Variants in RAB25 observed in about 807,000 individuals in gnomAD.
RAB25 encodes the protein RAB25, member RAS oncogene family.
RAB25 carries 23 observed loss-of-function variants against 25.2 expected under a neutral mutation model. The ratio of observed to expected loss-of-function variants is 0.91; its 90% CI spans 0.66 to 1.29. The LOEUF is 1.29. Ranked by LOEUF, RAB25 falls within the 50% of genes most tolerant of loss-of-function variation. RAB25 has a pLI of 0.00. For synonymous variants in RAB25, 102 were observed against 111.5 expected, an observed-to-expected ratio of 0.91 and a Z score of 0.54; for missense variants, 244 against 277.3, an observed-to-expected ratio of 0.88 and a Z score of 0.85.
intron 3 of RAB25, among the ~76,000 whole-genome samples, chr1:156,069,392 GCCGGTCT>G (rs1390386021): frequency 6.6e-6 from 1 of 152,096 alleles, no homozygotes; most frequent in African/African-American, 2.4e-5. Flanking sequence ...TGTTGGCCAA[GCCGGTCT>G]TGAACTCCTG....
Position 156,061,300 on chromosome 1 carries a change from G to T in RAB25, c.-101G>T. 1 of 1,242,088 alleles carries T rather than the reference G, an allele frequency of 8.1e-7. No homozygotes were observed. Among genetic ancestry groups the T allele is most frequent in the Non-Finnish European group, 1.2e-6 (1 of 846,632 alleles). 76.9% of individuals were successfully genotyped at this position (1,242,088 alleles called of 1,614,324 possible). A position where few individuals can be genotyped will look rare whatever the true frequency, so the allele number is the denominator to read the frequency against. On this transcript the variant is annotated 5_prime_UTR_variant, in exon 1 of 5. Coordinates refer to ENST00000361084, the MANE Select transcript of RAB25 (RefSeq NM_020387.4). ...TTACCCCCAATGAGAGGAGGGGCAG[G>T]ACCAGATCTTTTGAGAGCTGAGGGT...
Position 156,066,085 on chromosome 1 carries a change from G to C in RAB25, c.218G>C (p.Arg73Pro), listed in dbSNP as rs1227000774. 6.3e-7 allele frequency: 1 copy of C among 1,597,742 alleles called. No individual in the cohort carries two copies. Among genetic ancestry groups the C allele is most frequent in the Non-Finnish European group, 8.6e-7 (1 of 1,168,614 alleles). Reference protein sequence around the residue: ...AQIWDTAGLERYRAITSAYYR... With the variant: ...AQIWDTAGLEPYRAITSAYYR... ...ATCTGGGACACAGCTGGCCTGGAGC[G>C]GTACCGAGCCATCACCTCGGCGTGA... is the stretch of plus-strand genomic sequence containing the variant. Residue 73 changes from arginine (R) to proline (P), a missense_variant, in exon 2 of 5, where the codon CGG (arginine) becomes CCG (proline). Arg to Pro is a moderately radical substitution (Grantham distance 103). Transcript: ENST00000361084.
chr1:156,066,156 C>T (rs770667597), intron 2 of RAB25, 50 bp downstream of exon 2: 3 of 1,368,514 alleles, frequency 2.2e-6, no homozygotes, highest in Non-Finnish European at 2.9e-6. Flanking sequence ...CTGGGGAAGT[C>T]GAGGAACACT....
chr1:156,068,492 T>C, intron 3 of RAB25, 29 bp downstream of exon 3: 1 of 1,600,360 alleles, frequency 6.2e-7, no homozygotes, highest in African/African-American at 1.3e-5. Flanking sequence ...CCAGGCTGAC[T>C]CCTCCAAGCT....
intron 1 of RAB25, among the ~76,000 whole-genome samples, chr1:156,064,717 G>A (rs765576815): frequency 4.6e-5 from 7 of 152,166 alleles, no homozygotes; most frequent in Non-Finnish European, 1.0e-4. Flanking sequence ...ACCCAGCCAA[G>A]GAACTTTTAA....
intron 1 of RAB25, among the ~76,000 whole-genome samples, chr1:156,064,409 T>A (rs1009930544): frequency 2.0e-5 from 3 of 151,222 alleles, no homozygotes; most frequent in South Asian, 2.1e-4. Context: ...CTTGGCTAAT[T>A]TTTTTTTCTT....
At chr1:156,068,221 T>C in intron 2 of RAB25, 49 bp from the exon 3 acceptor site, 1 of 1,486,152 alleles carries the variant, frequency 6.7e-7, no homozygotes, top group Non-Finnish European at 9.4e-7. Context: ...TGATGCTGGG[T>C]CCAATGCCTC....
rs371441322 is a variant in RAB25 at position 156,066,048 on chromosome 1, G to A, written c.181G>A (p.Val61Ile). ...TRTVMLGTAA[V>I]KAQIWDTAGL... ...CACTGTGATGTTGGGCACCGCTGCTGTCAAGGCTCAGATCTGGGACACAGC... is the reference window on the plus strand; with the variant it reads ...CACTGTGATGTTGGGCACCGCTGCTATCAAGGCTCAGATCTGGGACACAGC... Residue 61 changes from valine (V) to isoleucine (I), a missense_variant, in exon 2 of 5, where the codon GTC (valine) becomes ATC (isoleucine). By Grantham distance (29) the Val-to-Ile change is conservative. Coordinates refer to ENST00000361084, the MANE Select transcript of RAB25 (RefSeq NM_020387.4). 5.0e-6 allele frequency: 8 copies of A among 1,613,252 alleles called. No individual in the cohort carries two copies. Among genetic ancestry groups the A allele is most frequent in the Non-Finnish European group, 5.9e-6 (7 of 1,179,436 alleles).
At chr1:156,063,159 G>A (rs769838635) in intron 1 of RAB25, among the ~76,000 whole-genome samples, 4 of 151,778 alleles carry the variant, frequency 2.6e-5, no homozygotes, top group East Asian at 1.9e-4. Context: ...TTTTTGAGAC[G>A]GAGTCTCGCT....
chr1:156,068,591 A>G, intron 3 of RAB25, 128 bp downstream of exon 3: 1 of 751,916 alleles, frequency 1.3e-6, no homozygotes, highest in Non-Finnish European at 2.0e-6. Flanking sequence ...CCTCTACCCC[A>G]TCCCCTCTTC....
chr1:156,061,884 A>G (rs1449963981), intron 1 of RAB25, among the ~76,000 whole-genome samples: 1 of 152,146 alleles, frequency 6.6e-6, no homozygotes, highest in East Asian at 1.9e-4. Flanking sequence ...TCCTGGGTTC[A>G]AGCGATTCTT....
intron 1 of RAB25, 44 bp from the exon 2 acceptor site, chr1:156,065,867 G>A (rs1446790484): frequency 2.8e-6 from 4 of 1,443,046 alleles, no homozygotes; most frequent in Non-Finnish European, 1.9e-6. Flanking sequence ...TGGGGTTGGA[G>A]CTGCTCTACC....
intron 2 of RAB25, 75 bp downstream of exon 2, chr1:156,066,181 G>C (rs1647739196): frequency 7.4e-7 from 1 of 1,360,226 alleles, no homozygotes; most frequent in Admixed American, 2.5e-5. Context: ...GAGGAGAAGT[G>C]GGGGAGGAGG....
chr1:156,069,867 T>C (rs1412597965), intron 4 of RAB25, 116 bp downstream of exon 4: 7 of 1,004,210 alleles, frequency 7.0e-6, no homozygotes. Flanking sequence ...CCTCTGTGGG[T>C]CCTGGCACCA....
chr1:156,064,223 A>G (rs1647672820), intron 1 of RAB25, among the ~76,000 whole-genome samples: 1 of 152,142 alleles, frequency 6.6e-6, no homozygotes, highest in South Asian at 2.1e-4. Flanking sequence ...TATGCAAATA[A>G]GGAATGTTTA....
intron 1 of RAB25, among the ~76,000 whole-genome samples, chr1:156,062,357 C>CA (rs1044910251): frequency 2.0e-5 from 3 of 152,160 alleles, no homozygotes; most frequent in African/African-American, 7.2e-5. Flanking sequence ...TCCCTGGAAG[C>CA]ATGCATGTAT....
intron 1 of RAB25, among the ~76,000 whole-genome samples, chr1:156,062,947 G>A (rs931697691): frequency 1.2e-4 from 18 of 151,228 alleles, no homozygotes; most frequent in South Asian, 2.1e-4. Context: ...CCAGCTACTC[G>A]GGAGGCTGAG....
chr1:156,069,945 C>A lies in RAB25; in HGVS notation c.514+194C>A, dbSNP rs1336861446. The A allele has an allele frequency of 5.9e-6, 5 of 853,814 alleles. No homozygotes were observed. The Admixed American group carries it at 1.1e-4, about 19-fold the overall frequency. The allele number at this position is 853,814 out of a possible 1,614,324, so 52.9% of individuals were successfully genotyped here. On this transcript the variant is annotated intron_variant, in intron 4 of 4. Transcript: ENST00000361084. Reference sequence around the variant, plus strand: ...TCTGGAGCTCAGGGAGGGAACAGGCCACACTCCCCATGGGGCTGACTCTTG... The same window carrying A: ...TCTGGAGCTCAGGGAGGGAACAGGCAACACTCCCCATGGGGCTGACTCTTG...
intron 1 of RAB25, among the ~76,000 whole-genome samples, chr1:156,061,935 C>G (rs867005075): frequency 6.6e-6 from 1 of 152,182 alleles, no homozygotes; most frequent in African/African-American, 2.4e-5. Context: ...CAAGCACCTG[C>G]CACCACGCCC....
Sources: gnomAD v4.1 joint callset for allele counts (sites outside exome capture counted in the v4.1 genomes callset) on GRCh38, gnomAD v4.1.1 for gene constraint, MANE v1.5 for transcripts, NCBI Gene and HGNC (gene_info 2026-07-23, HGNC 2026-07-21) for gene names.